The following ZNF555 variants were observed in gnomAD, a reference collection of about 807,000 sequenced individuals.
ZNF555 encodes zinc finger protein 555.
In ZNF555, 10 loss-of-function variants were observed where a neutral mutation model predicts 14.0. The observed-to-expected ratio is 0.72, with a 90% CI of 0.44 to 1.21. The LOEUF is 1.21. Ranked by LOEUF, ZNF555 falls within the 50% of genes most tolerant of loss-of-function variation. The pLI, the probability that ZNF555 is intolerant of heterozygous loss-of-function variation, is 0.00. For synonymous variants in ZNF555, 277 were observed against 262.4 expected (o/e 1.06, Z -0.54); for missense variants, 747 against 762.0 (o/e 0.98, Z 0.23).
At chr19:2,851,421 C>G (rs113393864) in intron 2 of ZNF555, 47 bp from the exon 3 acceptor site, 2 of 1,488,592 alleles carry the variant, frequency 1.3e-6, no homozygotes, top group Admixed American at 2.4e-5. Flanking sequence ...TGTCGTTTTC[C>G]GCTAACAAGT....
chr19:2,842,610 G>A (rs2087547385), intron 1 of ZNF555, among the ~76,000 whole-genome samples: 1 of 152,330 alleles, frequency 6.6e-6, no homozygotes, highest in Admixed American at 6.5e-5. Context: ...CTGAGTTGGG[G>A]GTGGGAGGGC....
intron 1 of ZNF555, among the ~76,000 whole-genome samples, chr19:2,847,753 CA>C (rs1555723054): frequency 1.3e-5 from 2 of 152,162 alleles, no homozygotes; most frequent in Non-Finnish European, 2.9e-5. Context: ...ATCCTATTTA[CA>C]AATAAGGTTA....
At position 2,851,605 on chromosome 19, in the gene ZNF555, A is replaced by G. The variant is rs1235773302; in HGVS notation, c.268A>G (p.Ser90Gly). ...CTCTGTTTTAGGAAAAATTTGGGAC[A>G]GTCTTAGCATCGAAGATCAAACCAC... ...WASVLGKIWDSLSIEDQTTNQ... is the reference protein window; with the variant it reads ...WASVLGKIWDGLSIEDQTTNQ... The change falls in exon 3 of 4, where the codon AGT becomes GGT. Residue 90 changes from serine (S) to glycine (G), a missense_variant. Ser to Gly is a moderately conservative substitution (Grantham distance 56). Transcript: ENST00000334241. The G allele has an allele frequency of 2.5e-6, 4 of 1,611,230 alleles. No individual in the cohort carries two copies. The South Asian group carries it at 3.3e-5, about 13-fold the overall frequency.
intron 1 of ZNF555, among the ~76,000 whole-genome samples, chr19:2,842,639 G>C (rs1293904478): frequency 3.3e-5 from 5 of 152,180 alleles, no homozygotes; most frequent in Non-Finnish European, 7.3e-5. Flanking sequence ...TGGTAGCCTG[G>C]CCAGACTTGA....
At chr19:2,844,101 T>TC (rs1005171130) in intron 1 of ZNF555, among the ~76,000 whole-genome samples, 1 of 137,054 alleles carries the variant, frequency 7.3e-6, no homozygotes, top group Non-Finnish European at 1.6e-5. Context: ...CTCTTTTCTT[T>TC]TTTTTTTTTT....
At chr19:2,847,994 A>G (rs757555183) in intron 1 of ZNF555, among the ~76,000 whole-genome samples, 5 of 152,128 alleles carry the variant, frequency 3.3e-5, no homozygotes, top group South Asian at 4.1e-4. Flanking sequence ...GGGTTTACCT[A>G]AAGTTGTGCT....
rs1035386512 is a variant in ZNF555 at position 2,841,541 on chromosome 19, C to T, written c.-32C>T. On this transcript the variant is annotated 5_prime_UTR_variant, in exon 1 of 4. Coordinates refer to ENST00000334241, the MANE Select transcript of ZNF555 (RefSeq NM_152791.5). Reference sequence around the variant, plus strand: ...GCGTCCCGGTTCCTGTCGCGCTCACCTGCGCCGGTAGCGAAGAAATCGCCC... The same window carrying T: ...GCGTCCCGGTTCCTGTCGCGCTCACTTGCGCCGGTAGCGAAGAAATCGCCC... The T allele has an allele frequency of 9.7e-6, 15 of 1,544,770 alleles. No individual in the cohort carries two copies. Among genetic ancestry groups the T allele is most frequent in the Non-Finnish European group, 1.2e-5 (14 of 1,144,262 alleles).
At chr19:2,847,569 T>C (rs1212965942) in intron 1 of ZNF555, among the ~76,000 whole-genome samples, 1 of 152,134 alleles carries the variant, frequency 6.6e-6, no homozygotes, top group Non-Finnish European at 1.5e-5. Flanking sequence ...ATCCTTGGAA[T>C]ATAGTAGATG....
intron 1 of ZNF555, among the ~76,000 whole-genome samples, chr19:2,848,558 C>T (rs1568342821): frequency 2.0e-5 from 3 of 152,164 alleles, no homozygotes; most frequent in South Asian, 2.1e-4. Context: ...AAGCTATTCT[C>T]GTGCCTCAGC....
chr19:2,841,730 C>T (rs2087538402), intron 1 of ZNF555, among the ~76,000 whole-genome samples, 155 bp downstream of exon 1: 1 of 151,738 alleles, frequency 6.6e-6, no homozygotes, highest in South Asian at 2.1e-4. Flanking sequence ...CGCCCGGCCC[C>T]GCCTCCCGCG....
Position 2,855,978 on chromosome 19 carries a change from G to A in ZNF555, c.*2026G>A, listed in dbSNP as rs1426291654. Reference sequence around the variant, plus strand: ...CTCTTTTCGCATACTGAGGCACCGCGAATTAAGATTTCAACGTAAAAATTT... The same window carrying A: ...CTCTTTTCGCATACTGAGGCACCGCAAATTAAGATTTCAACGTAAAAATTT... On this transcript the variant is annotated 3_prime_UTR_variant, in exon 4 of 4. Coordinates refer to ENST00000334241, the MANE Select transcript of ZNF555 (RefSeq NM_152791.5). The A allele has an allele frequency of 2.6e-5, 4 of 152,016 alleles. No homozygotes were observed. The East Asian group carries it at 5.8e-4, about 22-fold the overall frequency. 9.4% of individuals were successfully genotyped at this position (152,016 alleles called of 1,614,324 possible).
intron 1 of ZNF555, among the ~76,000 whole-genome samples, chr19:2,844,105 T>C (rs1158552354): frequency 6.7e-6 from 1 of 150,116 alleles, no homozygotes; most frequent in Non-Finnish European, 1.5e-5. Context: ...TTTCTTTTTT[T>C]TTTTTTTTTT....
intron 2 of ZNF555, 98 bp from the exon 3 acceptor site, chr19:2,851,370 T>A: frequency 1.1e-6 from 1 of 944,332 alleles, no homozygotes; most frequent in East Asian, 2.7e-5. Context: ...TTTTTGACCA[T>A]TTTGTGTTTA....
At chr19:2,849,483 CTT>C (rs113343627) in intron 1 of ZNF555, among the ~76,000 whole-genome samples, 1,660 of 132,080 alleles carry the variant, frequency 0.013, 32 homozygotes, top group African/African-American at 0.045. Flanking sequence ...AGCAATAATA[CTT>C]TTTTTTTTTT....
In ZNF555 at chr19:2,856,149, G is replaced by A. The variant is rs1316788196; in HGVS notation, c.*2197G>A. The stretch of plus-strand genomic sequence containing the variant: ...TATTACCAAGTATATACAAATACAG[G>A]TATTTTTTCATATAAATGTTATTTT... On this transcript the variant is annotated 3_prime_UTR_variant, in exon 4 of 4. Coordinates refer to ENST00000334241, the MANE Select transcript of ZNF555 (RefSeq NM_152791.5). 2 of 151,648 alleles carry A rather than the reference G, an allele frequency of 1.3e-5. No individual in the cohort carries two copies. The highest frequency in any genetic ancestry group is 1.3e-4 in the Admixed American group (2 of 15,210). The allele number at this position is 151,648 out of a possible 1,614,324, so 9.4% of individuals were successfully genotyped here.
rs1388775807 is a variant in ZNF555 at position 2,854,652 on chromosome 19, A to G, written c.*700A>G. ...ACATTAAATGGAGATGGACAGATGCATAGGGGCTTTGTGAACATCAACCTT... is the reference window on the plus strand; with the variant it reads ...ACATTAAATGGAGATGGACAGATGCGTAGGGGCTTTGTGAACATCAACCTT... On this transcript the variant is annotated 3_prime_UTR_variant, in exon 4 of 4. Coordinates refer to ENST00000334241, the MANE Select transcript of ZNF555 (RefSeq NM_152791.5). The G allele has an allele frequency of 6.6e-6, 1 of 152,412 alleles. No homozygotes were observed. Among genetic ancestry groups the G allele is most frequent in the Non-Finnish European group, 1.5e-5 (1 of 68,184 alleles). The allele number at this position is 152,412 out of a possible 1,614,324, so 9.4% of individuals were successfully genotyped here. A position where few individuals can be genotyped will look rare whatever the true frequency, so the allele number is the denominator to read the frequency against.
In ZNF555 at chr19:2,851,556, G is replaced by C; in HGVS notation, c.219G>C (p.Thr73=). 6.2e-7 allele frequency: 1 copy of C among 1,612,726 alleles called. No individual in the cohort carries two copies. The highest frequency in any genetic ancestry group is 8.5e-7 in the Non-Finnish European group (1 of 1,179,702). ...TACCCAAGGAATCTAAAATAGCCAC[G>C]TTCACCAGAAATGTTTCCTGGGCCT... ...EKIPKESKIA[T]FTRNVSWASV... Residue 73 remains threonine, a synonymous_variant, in exon 3 of 4, where the codon ACG becomes ACC. Coordinates refer to ENST00000334241, the MANE Select transcript of ZNF555 (RefSeq NM_152791.5).
intron 1 of ZNF555, among the ~76,000 whole-genome samples, chr19:2,847,008 T>G (rs999392054): frequency 1.3e-5 from 2 of 152,190 alleles, no homozygotes; most frequent in South Asian, 2.1e-4. Flanking sequence ...AAAAAATCAG[T>G]TGTGGAGACC....
chr19:2,846,839 C>T (rs950471319), intron 1 of ZNF555, among the ~76,000 whole-genome samples: 3 of 152,158 alleles, frequency 2.0e-5, no homozygotes, highest in African/African-American at 4.8e-5. Flanking sequence ...GTTTGAAAAC[C>T]ATCAACTCTT....
Sources: gnomAD v4.1 joint callset for allele counts (sites outside exome capture counted in the v4.1 genomes callset) on GRCh38, gnomAD v4.1.1 for gene constraint, MANE v1.5 for transcripts, NCBI Gene and HGNC (gene_info 2026-07-23, HGNC 2026-07-21) for gene names.